ARHGAP26: variants seen among roughly 807,000 people sequenced by gnomAD.
The protein encoded by ARHGAP26 is rho GTPase-activating protein 26.
Under a neutral mutation model 104.8 loss-of-function variants are expected in ARHGAP26, and 38 were observed. The observed-to-expected ratio is 0.36, with a 90% CI of 0.28 to 0.48. ARHGAP26 has a LOEUF of 0.48. Ranked by LOEUF, ARHGAP26 falls within the 20% of genes least tolerant of loss-of-function variation. The probability of loss-of-function intolerance (pLI) is 0.99; values close to 1 mark genes in which losing one functional copy is unlikely to be tolerated. For missense variants in ARHGAP26, 704 were observed against 947.9 expected, an observed-to-expected ratio of 0.74 and a Z score of 3.38; for synonymous variants, 341 against 340.0, an observed-to-expected ratio of 1.00 and a Z score of -0.03.
At position 143,037,177 on chromosome 5, in the gene ARHGAP26, C is replaced by T; in HGVS notation, c.1145-19C>T. On this transcript the variant is annotated intron_variant, in intron 12 of 22. Coordinates refer to ENST00000645722, the MANE Select transcript of ARHGAP26 (RefSeq NM_001135608.3). ...TTTCCATGGCTAGCAACTTGACTGT[C>T]CTTCTCTTGCTCTTTCAGCTGCGCA... 3 of 1,591,706 alleles carry T rather than the reference C, an allele frequency of 1.9e-6. No homozygotes were observed. The highest frequency in any genetic ancestry group is 2.6e-6 in the Non-Finnish European group (3 of 1,163,088).
chr5:143,026,401 G>A (rs1781071707), intron 12 of ARHGAP26, among the ~76,000 whole-genome samples: 1 of 152,176 alleles, frequency 6.6e-6, no homozygotes, highest in Non-Finnish European at 1.5e-5. Context: ...AGAGGATAAG[G>A]GAGAAGGGAG....
At chr5:143,086,857 C>G (rs894158654) in intron 17 of ARHGAP26, among the ~76,000 whole-genome samples, 3 of 152,202 alleles carry the variant, frequency 2.0e-5, no homozygotes, top group African/African-American at 4.8e-5. Context: ...GTTCTTCCAG[C>G]ACTCAGATAT....
At chr5:143,157,769 C>G (rs1800675363) in intron 20 of ARHGAP26, among the ~76,000 whole-genome samples, 1 of 152,206 alleles carries the variant, frequency 6.6e-6, no homozygotes, top group African/African-American at 2.4e-5. Context: ...CCACAAATAG[C>G]TTTCCGAAGA....
intron 1 of ARHGAP26, among the ~76,000 whole-genome samples, chr5:142,811,207 T>G (rs561530143): frequency 6.6e-6 from 1 of 152,286 alleles, no homozygotes; most frequent in East Asian, 1.9e-4. Flanking sequence ...ATTAGCACAA[T>G]GCCTGGCCTT....
chr5:142,805,418 A>G lies in ARHGAP26; in HGVS notation c.154+34503A>G, dbSNP rs565579525. On this transcript the variant is annotated intron_variant, in intron 1 of 22. Coordinates refer to ENST00000645722, the MANE Select transcript of ARHGAP26 (RefSeq NM_001135608.3). The stretch of plus-strand genomic sequence containing the variant: ...CGCCTGGCCCACATTTAGTTTTTCT[A>G]TTCTCCAGTTCATAGACATTTGGAT... Among the ~76,000 whole-genome samples, 8 of 152,114 alleles carry G rather than the reference A, an allele frequency of 5.3e-5. No homozygotes were observed. The South Asian group carries it at 6.2e-4, about 12-fold the overall frequency.
At chr5:143,035,676 C>CT (rs1242685720) in intron 12 of ARHGAP26, among the ~76,000 whole-genome samples, 1 of 152,116 alleles carries the variant, frequency 6.6e-6, no homozygotes, top group East Asian at 1.9e-4. Flanking sequence ...TGGCTCACGC[C>CT]TGTAATCCCA....
chr5:142,904,008 G>A (rs2152459119), intron 8 of ARHGAP26, among the ~76,000 whole-genome samples: 1 of 152,184 alleles, frequency 6.6e-6, no homozygotes, highest in South Asian at 2.1e-4. Flanking sequence ...GGTCTTACAT[G>A]CTAGGCCCCT....
At chr5:143,159,316 G>T (rs779497969) in intron 20 of ARHGAP26, among the ~76,000 whole-genome samples, 10 of 152,202 alleles carry the variant, frequency 6.6e-5, no homozygotes, top group Non-Finnish European at 1.3e-4. Flanking sequence ...GAAGAGATCA[G>T]GGTAAAGATT....
At chr5:143,194,195 C>T (rs1476204125) in intron 20 of ARHGAP26, 3 of 152,222 alleles carry the variant, frequency 2.0e-5, no homozygotes, top group African/African-American at 4.8e-5. Context: ...ATTCTACATT[C>T]GTTAAGTAAT....
chr5:143,185,824 A>T (rs1020496772), intron 20 of ARHGAP26, among the ~76,000 whole-genome samples: 1 of 152,184 alleles, frequency 6.6e-6, no homozygotes, highest in East Asian at 1.9e-4. Flanking sequence ...GCTGGCGAGC[A>T]GAGGAGTGAA....
intron 20 of ARHGAP26, among the ~76,000 whole-genome samples, chr5:143,180,661 C>T (rs1161337981): frequency 2.0e-5 from 3 of 152,034 alleles, no homozygotes; most frequent in South Asian, 2.1e-4. Flanking sequence ...GTGTTAGGAG[C>T]GAAGAGGGAA....
rs1267773822 is a variant in ARHGAP26 at position 142,871,745 on chromosome 5, GA to G, written c.155-1654del. On this transcript the variant is annotated intron_variant, in intron 1 of 22. Coordinates refer to ENST00000645722, the MANE Select transcript of ARHGAP26 (RefSeq NM_001135608.3). This position sits in a 1 kb window ranked among gnomAD's most constrained non-coding sequence, Gnocchi z 4.1. Reference sequence around the variant, plus strand: ...GCCTTTTGTGATTTGTGTTCTGAGGGATAGCCTCAGCCTGGGCTGGCCATTT... The same window carrying G: ...GCCTTTTGTGATTTGTGTTCTGAGGGTAGCCTCAGCCTGGGCTGGCCATTT... Among the ~76,000 whole-genome samples the G allele has an allele frequency of 6.6e-6, 1 of 152,154 alleles. No individual in the cohort carries two copies. The highest frequency in any genetic ancestry group is 1.5e-5 in the Non-Finnish European group (1 of 68,028).
In ARHGAP26 at chr5:142,871,618, ATAT is replaced by A. The variant is rs957053940; in HGVS notation, c.155-1777_155-1775del. Among the ~76,000 whole-genome samples the A allele has an allele frequency of 2.0e-5, 3 of 152,150 alleles. No homozygotes were observed. Among genetic ancestry groups the A allele is most frequent in the Admixed American group, 2.0e-4 (3 of 15,284 alleles). The stretch of plus-strand genomic sequence containing the variant: ...ACAGAACATTGTCTTCCACTCTAAA[ATAT>A]TATTCTTTCCCTTTTTTCTTGTGTC... On this transcript the variant is annotated intron_variant, in intron 1 of 22. Transcript: ENST00000645722. The surrounding 1 kb of genome is among the most constrained non-coding windows in gnomAD (Gnocchi z 4.1).
chr5:142,982,515 T>C (rs1167170965), intron 11 of ARHGAP26, among the ~76,000 whole-genome samples: 1 of 152,128 alleles, frequency 6.6e-6, no homozygotes, highest in East Asian at 1.9e-4. Context: ...ACAGGAATTA[T>C]ACCATTGTAC....
At chr5:142,873,333 G>A in intron 1 of ARHGAP26, 67 bp from the exon 2 acceptor site, 1 of 1,200,192 alleles carries the variant, frequency 8.3e-7, no homozygotes, top group Admixed American at 2.1e-5. Flanking sequence ...GGACCAATAA[G>A]GGCAGCAAAT....
chr5:142,786,614 T>C (rs1758684937), intron 1 of ARHGAP26, among the ~76,000 whole-genome samples: 2 of 151,372 alleles, frequency 1.3e-5, no homozygotes, highest in Non-Finnish European at 2.9e-5. Flanking sequence ...AAGCCTTTGG[T>C]AAATGGAAAT....
intron 1 of ARHGAP26, chr5:142,860,187 A>G (rs1293824164): frequency 6.6e-6 from 1 of 152,184 alleles, no homozygotes; most frequent in African/African-American, 2.4e-5. Context: ...TTCAAAGATA[A>G]AATTATTAAA....
At chr5:143,137,958 A>C (rs772348127) in intron 19 of ARHGAP26, among the ~76,000 whole-genome samples, 45 of 152,236 alleles carry the variant, frequency 3.0e-4, no homozygotes, top group Non-Finnish European at 5.3e-4. Context: ...CCTCAGGCTC[A>C]GGCCTCTGCC....
chr5:143,140,307 T>G (rs998218322), intron 19 of ARHGAP26, among the ~76,000 whole-genome samples: 1 of 152,204 alleles, frequency 6.6e-6, no homozygotes, highest in African/African-American at 2.4e-5. Flanking sequence ...GCATGGTGGT[T>G]GAAAGTGGAG....
Sources: allele counts gnomAD v4.1 joint callset (sites outside exome capture counted in the v4.1 genomes callset), GRCh38; gene constraint gnomAD v4.1.1; non-coding constraint Gnocchi (gnomAD v3.1); transcripts MANE v1.5; gene names NCBI Gene and HGNC (gene_info 2026-07-23, HGNC 2026-07-21).